Variants in NRG3 observed in about 807,000 individuals in gnomAD.
The protein encoded by NRG3 is neuregulin 3.
In NRG3, 31 loss-of-function variants were observed where a neutral mutation model predicts 66.9. The ratio of observed to expected loss-of-function variants is 0.46; its 90% CI spans 0.35 to 0.63. The LOEUF (loss-of-function observed/expected upper bound fraction) is 0.63, where lower values mean the gene tolerates loss of function less well. Ranked by LOEUF, NRG3 falls within the 20% of genes least tolerant of loss-of-function variation. The probability of loss-of-function intolerance (pLI) is 0.00; values close to 1 mark genes in which losing one functional copy is unlikely to be tolerated. For synonymous variants in NRG3, 393 were observed against 359.4 expected, an observed-to-expected ratio of 1.09 and a Z score of -1.06; for missense variants, 910 against 878.9, an observed-to-expected ratio of 1.04 and a Z score of -0.45.
chr10:82,061,561 C>T (rs1324969144), intron 1 of NRG3, among the ~76,000 whole-genome samples: 3 of 152,122 alleles, frequency 2.0e-5, no homozygotes, highest in Non-Finnish European at 4.4e-5. Flanking sequence ...GTGGTCATTG[C>T]TGCCCTTCAA....
intron 4 of NRG3, among the ~76,000 whole-genome samples, chr10:82,942,243 A>C (rs1297339046): frequency 6.6e-6 from 1 of 152,202 alleles, no homozygotes; most frequent in African/African-American, 2.4e-5. Flanking sequence ...ATGGTCTCCC[A>C]CACCTCTGTC....
chr10:82,796,666 T>A (rs2060814627), intron 3 of NRG3, among the ~76,000 whole-genome samples: 1 of 152,274 alleles, frequency 6.6e-6, no homozygotes, highest in South Asian at 2.1e-4. Flanking sequence ...TCTCATTTAT[T>A]ATTTTGCAAA....
chr10:82,890,407 C>G (rs2136117629), intron 4 of NRG3, among the ~76,000 whole-genome samples: 1 of 152,106 alleles, frequency 6.6e-6, no homozygotes, highest in African/African-American at 2.4e-5. Context: ...TTATTATGGT[C>G]TTTATTTTCA....
At chr10:82,853,534 AT>A (rs199556027) in intron 3 of NRG3, among the ~76,000 whole-genome samples, 2,054 of 151,990 alleles carry the variant, frequency 0.014, 31 homozygotes, top group Non-Finnish European at 0.021. Flanking sequence ...ATTCCTAAGT[AT>A]TTTTTTATTT....
intron 2 of NRG3, among the ~76,000 whole-genome samples, chr10:82,391,494 C>T (rs968630912): frequency 3.3e-5 from 5 of 152,126 alleles, no homozygotes; most frequent in Admixed American, 6.5e-5. Flanking sequence ...AGTGAAGCTA[C>T]GTGGCCAAAC....
chr10:82,205,393 G>C (rs1414597008), intron 1 of NRG3, among the ~76,000 whole-genome samples: 2 of 152,114 alleles, frequency 1.3e-5, no homozygotes, highest in Non-Finnish European at 2.9e-5. Context: ...GAGAAATGTT[G>C]GAGAGATGTT....
At chr10:82,956,331 C>T (rs1384672258) in intron 5 of NRG3, among the ~76,000 whole-genome samples, 1 of 151,914 alleles carries the variant, frequency 6.6e-6, no homozygotes, top group Non-Finnish European at 1.5e-5. Context: ...CAATGCCTCT[C>T]ATGAGAGAGC....
At chr10:82,956,345 TG>T (rs1427366261) in intron 5 of NRG3, among the ~76,000 whole-genome samples, 1 of 151,874 alleles carries the variant, frequency 6.6e-6, no homozygotes, top group Non-Finnish European at 1.5e-5. Context: ...AGAGAGCTAA[TG>T]GTATTGCAAT....
In NRG3 at chr10:82,620,096, G is replaced by A. The variant is rs114713384; in HGVS notation, c.954-118481G>A. ...GCAGGCTTCATGTGGACCCTGAGGC[G>A]ATGGTGCCTAGGTGGGGGTGCCTGC... On this transcript the variant is annotated intron_variant, in intron 2 of 8. Coordinates refer to ENST00000372141, the MANE Select transcript of NRG3 (RefSeq NM_001010848.4). Among the ~76,000 whole-genome samples the A allele has an allele frequency of 4.8e-3, 736 of 152,280 alleles. 10 individuals are homozygous for A. The highest frequency in any genetic ancestry group is 0.017 in the African/African-American group (691 of 41,558).
intron 1 of NRG3, among the ~76,000 whole-genome samples, chr10:81,934,003 C>T (rs1276876177): frequency 6.6e-6 from 1 of 152,016 alleles, no homozygotes; most frequent in Non-Finnish European, 1.5e-5. Flanking sequence ...TATTGAAAAC[C>T]ATTTGGATAT....
chr10:82,305,530 A>G (rs574293087), intron 1 of NRG3, among the ~76,000 whole-genome samples: 4 of 152,144 alleles, frequency 2.6e-5, no homozygotes, highest in African/African-American at 9.7e-5. Flanking sequence ...CCTTTTCAAT[A>G]AAATATTGAA....
intron 1 of NRG3, among the ~76,000 whole-genome samples, chr10:82,307,167 T>C (rs995145335): frequency 3.3e-5 from 5 of 152,188 alleles, no homozygotes; most frequent in African/African-American, 1.2e-4. Flanking sequence ...AAATGTTTTA[T>C]ACACACACAT....
chr10:81,929,571 T>C (rs1340349764), intron 1 of NRG3, among the ~76,000 whole-genome samples: 1 of 152,156 alleles, frequency 6.6e-6, no homozygotes, highest in Non-Finnish European at 1.5e-5. Flanking sequence ...ACCAGCTCCT[T>C]CATCAGGCTT....
chr10:82,137,574 A>T (rs1190797003), intron 1 of NRG3, among the ~76,000 whole-genome samples: 1 of 152,194 alleles, frequency 6.6e-6, no homozygotes, highest in Non-Finnish European at 1.5e-5. Flanking sequence ...ATTTAGACAC[A>T]TTCGTAAACA....
Position 82,392,021 on chromosome 10 carries a change from A to AC in NRG3, c.953+33156dup, listed in dbSNP as rs1441451879. On this transcript the variant is annotated intron_variant, in intron 2 of 8. Coordinates refer to ENST00000372141, the MANE Select transcript of NRG3 (RefSeq NM_001010848.4). ...AAAAAAAAAAAAAAACAAAAAAAAA[A>AC]CCCACGAAACTAGGAAAAGCATTAG... Among the ~76,000 whole-genome samples the AC allele has an allele frequency of 1.4e-4, 21 of 148,970 alleles. 1 individual carries two copies. Among genetic ancestry groups the AC allele is most frequent in the African/African-American group, 2.2e-4 (9 of 40,362 alleles).
At chr10:82,186,665 A>G (rs1410594507) in intron 1 of NRG3, among the ~76,000 whole-genome samples, 2 of 152,204 alleles carry the variant, frequency 1.3e-5, no homozygotes, top group South Asian at 2.1e-4. Context: ...GTTGTGGTCA[A>G]TGTTAATGTT....
At chr10:82,039,991 A>G (rs964903083) in intron 1 of NRG3, among the ~76,000 whole-genome samples, 9 of 151,436 alleles carry the variant, frequency 5.9e-5, no homozygotes, top group Non-Finnish European at 3.0e-5. Context: ...GCCCATGTAG[A>G]TTAAATACTG....
intron 1 of NRG3, among the ~76,000 whole-genome samples, chr10:81,913,396 A>T (rs1845360611): frequency 6.6e-6 from 1 of 151,604 alleles, no homozygotes; most frequent in Admixed American, 6.6e-5. Context: ...GTTCTTACCC[A>T]GCACCATACT....
chr10:82,647,154 C>T (rs1056651033), intron 2 of NRG3, among the ~76,000 whole-genome samples: 1 of 151,926 alleles, frequency 6.6e-6, no homozygotes, highest in South Asian at 2.1e-4. Context: ...TCCCTCCCCA[C>T]TCCCCCGACC....
Sources: allele counts gnomAD v4.1 joint callset (sites outside exome capture counted in the v4.1 genomes callset), GRCh38; gene constraint gnomAD v4.1.1; transcripts MANE v1.5; gene names NCBI Gene and HGNC (gene_info 2026-07-23, HGNC 2026-07-21).